Variants in DIP2C observed in about 807,000 individuals in gnomAD.
The protein encoded by DIP2C is DIP2 acetate--CoA ligase C (putative), also known as disco-interacting protein 2 homolog C.
In DIP2C, 33 loss-of-function variants were observed where a neutral mutation model predicts 192.4. That is an observed-to-expected ratio of 0.17 (90% CI 0.13 to 0.23). DIP2C has a LOEUF of 0.23. DIP2C is among the 10% of genes least tolerant of loss of function. DIP2C has a pLI of 1.00. For synonymous variants in DIP2C, 979 were observed against 864.1 expected, an observed-to-expected ratio of 1.13 and a Z score of -2.33; for missense variants, 1,537 against 2,110.1, an observed-to-expected ratio of 0.73 and a Z score of 5.32.
At chr10:606,955 A>G (rs1230895655) in intron 1 of DIP2C, among the ~76,000 whole-genome samples, 1 of 152,098 alleles carries the variant, frequency 6.6e-6, no homozygotes, top group Non-Finnish European at 1.5e-5. Context: ...CAGGACGCAC[A>G]CCCCAAACCC....
At chr10:596,545 A>G (rs1588554299) in intron 1 of DIP2C, among the ~76,000 whole-genome samples, 2 of 148,692 alleles carry the variant, frequency 1.3e-5, no homozygotes, top group Non-Finnish European at 3.0e-5. Flanking sequence ...TTTTCCTTCC[A>G]ATGAACCTAT....
At chr10:518,500 A>T (rs1167517609) in intron 1 of DIP2C, among the ~76,000 whole-genome samples, 1 of 152,166 alleles carries the variant, frequency 6.6e-6, no homozygotes, top group Non-Finnish European at 1.5e-5. Flanking sequence ...TTGGGAGGTG[A>T]TGAGTTCCCG....
chr10:388,803 G>C (rs552133951), intron 13 of DIP2C, among the ~76,000 whole-genome samples: 1 of 152,376 alleles, frequency 6.6e-6, no homozygotes, highest in South Asian at 2.1e-4. Flanking sequence ...ACGGCTTCGT[G>C]AAGTTCCAGA....
At chr10:280,854 T>C (rs1954784509) in intron 36 of DIP2C, among the ~76,000 whole-genome samples, 1 of 152,210 alleles carries the variant, frequency 6.6e-6, no homozygotes, top group African/African-American at 2.4e-5. Context: ...TCAACAGTCA[T>C]AAAAGTATTT....
chr10:592,549 T>C (rs1851463422), intron 1 of DIP2C, among the ~76,000 whole-genome samples: 1 of 152,194 alleles, frequency 6.6e-6, no homozygotes, highest in East Asian at 1.9e-4. Context: ...TAAAGTGAAC[T>C]GACTAGGTGG....
chr10:329,693 A>G, intron 29 of DIP2C, 92 bp from the exon 30 acceptor site: 1 of 1,470,954 alleles, frequency 6.8e-7, no homozygotes, highest in Non-Finnish European at 9.1e-7. Flanking sequence ...GACTCCAAGG[A>G]AAAGGAGGAC....
chr10:319,683 ATCTT>A (rs559598239), intron 31 of DIP2C, among the ~76,000 whole-genome samples: 6 of 152,366 alleles, frequency 3.9e-5, no homozygotes, highest in Middle Eastern at 3.4e-3. Context: ...TCATAATTTG[ATCTT>A]TCTAATGTCC....
chr10:550,549 A>T (rs1267710152), intron 1 of DIP2C, among the ~76,000 whole-genome samples: 2 of 152,116 alleles, frequency 1.3e-5, no homozygotes, highest in Non-Finnish European at 2.9e-5. Context: ...ACATTCTCCC[A>T]TTTAAAAATG....
At position 578,595 on chromosome 10, in the gene DIP2C, A is replaced by G. The variant is rs116400192; in HGVS notation, c.86-92065T>C. On this transcript the variant is annotated intron_variant, in intron 1 of 36. Transcript: ENST00000280886. ...ACCTGCCAAATTTCACTAGCTTGTA[A>G]TGAACAACTGTTTTCATCCTATACT... Among the ~76,000 whole-genome samples the G allele has an allele frequency of 3.4e-3, 512 of 152,324 alleles. 3 individuals carry two copies. The highest frequency in any genetic ancestry group is 0.012 in the African/African-American group (488 of 41,572).
chr10:620,628 T>C (rs1001031271), intron 1 of DIP2C, among the ~76,000 whole-genome samples: 12 of 152,190 alleles, frequency 7.9e-5, no homozygotes, highest in Non-Finnish European at 1.2e-4. Context: ...TTAGTTTGAA[T>C]TGGAAAAGCA....
At chr10:394,331 G>C (rs1359207494) in intron 10 of DIP2C, among the ~76,000 whole-genome samples, 2 of 151,880 alleles carry the variant, frequency 1.3e-5, no homozygotes, top group African/African-American at 4.8e-5. Context: ...GCTCTGTGCT[G>C]AACTGGAAGG....
intron 19 of DIP2C, 112 bp from the exon 20 acceptor site, chr10:364,694 C>T (rs1959967414): frequency 8.2e-7 from 1 of 1,218,510 alleles, no homozygotes. Flanking sequence ...GCCTTTCACC[C>T]CAGCAACCCT....
chr10:326,628 G>A (rs905194015), intron 31 of DIP2C, among the ~76,000 whole-genome samples: 1 of 152,182 alleles, frequency 6.6e-6, no homozygotes, highest in Non-Finnish European at 1.5e-5. Flanking sequence ...CCTGCTCAAT[G>A]TCATTAAGTT....
chr10:309,425 C>T (rs539624182), intron 32 of DIP2C, among the ~76,000 whole-genome samples: 40 of 152,154 alleles, frequency 2.6e-4, no homozygotes, highest in Non-Finnish European at 4.4e-4. Context: ...TGACATTCTA[C>T]GACGGGGGCA....
chr10:511,303 C>CT (rs1459924139), intron 1 of DIP2C, among the ~76,000 whole-genome samples: 2 of 152,216 alleles, frequency 1.3e-5, no homozygotes, highest in African/African-American at 4.8e-5. Context: ...GAAGCGGCCT[C>CT]TTCAGCTGCC....
chr10:366,245 G>A, intron 19 of DIP2C, 30 bp downstream of exon 19: 1 of 1,608,430 alleles, frequency 6.2e-7, no homozygotes. Context: ...GCCACAGATG[G>A]TGCCCATGGT....
intron 1 of DIP2C, among the ~76,000 whole-genome samples, chr10:647,548 C>T: frequency 6.8e-6 from 1 of 146,968 alleles, no homozygotes; most frequent in African/African-American, 2.5e-5. Flanking sequence ...TGGGAGAGAA[C>T]AGAGGGAAAC....
chr10:428,998 C>T lies in DIP2C; in HGVS notation c.395-5965G>A, dbSNP rs545369356. 1.2e-4 allele frequency among the ~76,000 whole-genome samples: 19 copies of T among 152,204 alleles called. 1 individual carries two copies. The highest frequency in any genetic ancestry group is 4.3e-4 in the African/African-American group (18 of 41,530). On this transcript the variant is annotated intron_variant, in intron 4 of 36. Coordinates refer to ENST00000280886, the MANE Select transcript of DIP2C (RefSeq NM_014974.3). ...CAGCGTCCCCTATCATCAACATTGC[C>T]TACCAGAGTGGTATACTTGTCACAA...
intron 1 of DIP2C, among the ~76,000 whole-genome samples, chr10:527,023 C>A (rs569669213): frequency 6.6e-6 from 1 of 152,332 alleles, no homozygotes; most frequent in South Asian, 2.1e-4. Context: ...GGCAGCCGTC[C>A]TGGGGGACAG....
Sources: gnomAD v4.1 joint callset for allele counts (sites outside exome capture counted in the v4.1 genomes callset) on GRCh38, gnomAD v4.1.1 for gene constraint, MANE v1.5 for transcripts, NCBI Gene and HGNC (gene_info 2026-07-23, HGNC 2026-07-21) for gene names.